Variants in PLPPR1 observed in about 807,000 individuals in gnomAD.
The protein encoded by PLPPR1 is phospholipid phosphatase related 1.
PLPPR1 carries 10 observed loss-of-function variants against 33.1 expected under a neutral mutation model. The ratio of observed to expected loss-of-function variants is 0.30; its 90% CI spans 0.19 to 0.51. The LOEUF (loss-of-function observed/expected upper bound fraction) is 0.51, where lower values mean the gene tolerates loss of function less well. Among genes scored for constraint, PLPPR1 ranks in the 20% least tolerant of loss-of-function variants. The pLI, the probability that PLPPR1 is intolerant of heterozygous loss-of-function variation, is 0.97. For missense variants in PLPPR1, 304 were observed against 408.1 expected (o/e 0.74, Z 2.20); for synonymous variants, 151 against 151.0 (o/e 1.00, Z 0.00).
chr9:101,140,392 G>T (rs913698211), intron 1 of PLPPR1, among the ~76,000 whole-genome samples: 4 of 145,586 alleles, frequency 2.7e-5, no homozygotes, highest in African/African-American at 1.0e-4. Context: ...TATTTGAAAA[G>T]CCAGCAAGGA....
intron 2 of PLPPR1, among the ~76,000 whole-genome samples, chr9:101,233,018 C>A (rs1827222865): frequency 6.6e-6 from 1 of 152,058 alleles, no homozygotes. Context: ...AGGTCAGCAT[C>A]TGAGCACTTC....
At chr9:101,031,788 A>G (rs1253811909) in intron 1 of PLPPR1, among the ~76,000 whole-genome samples, 1 of 152,218 alleles carries the variant, frequency 6.6e-6, no homozygotes, top group Non-Finnish European at 1.5e-5. Context: ...TAGAAAGGAC[A>G]TTCCAGGCAG....
intron 1 of PLPPR1, among the ~76,000 whole-genome samples, chr9:101,142,566 C>T (rs191404009): frequency 3.3e-5 from 5 of 152,312 alleles, no homozygotes; most frequent in East Asian, 1.9e-4. Context: ...CCCGTATCTT[C>T]GCCTGCTTCA....
chr9:101,264,444 A>G (rs1321406073), intron 2 of PLPPR1, among the ~76,000 whole-genome samples: 9 of 151,830 alleles, frequency 5.9e-5, no homozygotes. Context: ...TTCTCCTTCT[A>G]TCAAGTCCCC....
chr9:101,270,632 A>T (rs1828079433), intron 3 of PLPPR1, among the ~76,000 whole-genome samples: 1 of 152,070 alleles, frequency 6.6e-6, no homozygotes, highest in South Asian at 2.1e-4. Context: ...ACCTTCATAT[A>T]TTTCATTTTC....
rs527746137 is a variant in PLPPR1, at chr9:101,080,159, G to A, written c.-46+51057G>A. Reference sequence around the variant, plus strand: ...TCTGATGATTCGATTTTTGAAATGTGAACATATTTAGAATCTCTGCATACT... The same window carrying A: ...TCTGATGATTCGATTTTTGAAATGTAAACATATTTAGAATCTCTGCATACT... On this transcript the variant is annotated intron_variant, in intron 1 of 7. Transcript: ENST00000374874. Among the ~76,000 whole-genome samples the A allele has an allele frequency of 2.0e-5, 3 of 152,142 alleles. No individual in the cohort carries two copies. In the South Asian group the frequency reaches 6.2e-4, roughly 32 times the overall value.
chr9:101,289,954 C>A (rs986251863), intron 4 of PLPPR1, among the ~76,000 whole-genome samples: 9 of 152,132 alleles, frequency 5.9e-5, no homozygotes, highest in Non-Finnish European at 1.0e-4. Flanking sequence ...CAGCTTAGTC[C>A]TAGGAAATTA....
In PLPPR1 at chr9:101,129,533, T is replaced by TA. The variant is rs200536822; in HGVS notation, c.-45-55908dup. ...ATATCCACACACTCAGCAATAGCAA[T>TA]AAAAAAAAAGGGAAAAAGCTGGGTG... On this transcript the variant is annotated intron_variant, in intron 1 of 7. Coordinates refer to ENST00000374874, the MANE Select transcript of PLPPR1 (RefSeq NM_207299.2). 6.5e-3 allele frequency among the ~76,000 whole-genome samples: 983 copies of TA among 150,286 alleles called. 2 individuals are homozygous for TA. Among genetic ancestry groups the TA allele is most frequent in the Non-Finnish European group, 7.3e-3 (492 of 67,458 alleles).
intron 4 of PLPPR1, among the ~76,000 whole-genome samples, chr9:101,300,441 T>C (rs1828732060): frequency 6.6e-6 from 1 of 152,144 alleles, no homozygotes; most frequent in Non-Finnish European, 1.5e-5. Flanking sequence ...AGAGTGTTGA[T>C]ATTATAGGTG....
intron 1 of PLPPR1, among the ~76,000 whole-genome samples, chr9:101,180,133 TATATATATATACACAC>T (rs1564167576): frequency 3.5e-4 from 14 of 39,678 alleles, no homozygotes; most frequent in African/African-American, 1.9e-3. Context: ...TATATATATA[TATATATATATACACAC>T]ACACACACAC....
intron 2 of PLPPR1, among the ~76,000 whole-genome samples, chr9:101,204,812 A>G (rs1826559046): frequency 6.6e-6 from 1 of 152,086 alleles, no homozygotes; most frequent in African/African-American, 2.4e-5. Flanking sequence ...TGAGATGCTC[A>G]CCCCAGTCCA....
intron 2 of PLPPR1, among the ~76,000 whole-genome samples, chr9:101,237,221 G>A (rs1827318991): frequency 6.6e-6 from 1 of 151,734 alleles, no homozygotes; most frequent in Non-Finnish European, 1.5e-5. Flanking sequence ...ACTGTTGGTG[G>A]GAATGTAAAT....
At chr9:101,198,867 A>G (rs1356769713) in intron 2 of PLPPR1, among the ~76,000 whole-genome samples, 2 of 152,240 alleles carry the variant, frequency 1.3e-5, no homozygotes, top group African/African-American at 4.8e-5. Context: ...GAGTAGTGAC[A>G]GAGGAGACTG....
intron 2 of PLPPR1, among the ~76,000 whole-genome samples, chr9:101,224,939 A>C (rs1722685044): frequency 1.3e-5 from 2 of 152,158 alleles, no homozygotes; most frequent in Admixed American, 6.5e-5. Flanking sequence ...CTTTTTATTA[A>C]TCTTTCTTAA....
At chr9:101,232,917 G>A (rs1289131912) in intron 2 of PLPPR1, among the ~76,000 whole-genome samples, 3 of 151,814 alleles carry the variant, frequency 2.0e-5, no homozygotes, top group Non-Finnish European at 4.4e-5. Flanking sequence ...ACTTTCTTTT[G>A]GCTTATCTGA....
At chr9:101,031,901 A>G (rs1457512165) in intron 1 of PLPPR1, among the ~76,000 whole-genome samples, 1 of 152,174 alleles carries the variant, frequency 6.6e-6, no homozygotes, top group Admixed American at 6.5e-5. Context: ...CCAGTTAACA[A>G]GTAATGCTAT....
intron 1 of PLPPR1, among the ~76,000 whole-genome samples, chr9:101,035,031 G>A (rs1829992914): frequency 6.6e-6 from 1 of 152,088 alleles, no homozygotes; most frequent in African/African-American, 2.4e-5. Flanking sequence ...CTTGCGTTTA[G>A]CCTAGTCTTT....
intron 4 of PLPPR1, among the ~76,000 whole-genome samples, chr9:101,304,234 TG>T (rs1828807534): frequency 6.6e-6 from 1 of 152,376 alleles, no homozygotes; most frequent in African/African-American, 2.4e-5. Context: ...AATGGCTTTT[TG>T]TCAACTATGT....
chr9:101,252,546 T>C (rs1011571972), intron 2 of PLPPR1, among the ~76,000 whole-genome samples: 1 of 152,106 alleles, frequency 6.6e-6, no homozygotes, highest in Non-Finnish European at 1.5e-5. Context: ...AAAATCCTTA[T>C]CCATTAATTT....
Sources: allele counts gnomAD v4.1 joint callset (sites outside exome capture counted in the v4.1 genomes callset), GRCh38; gene constraint gnomAD v4.1.1; transcripts MANE v1.5; gene names NCBI Gene and HGNC (gene_info 2026-07-23, HGNC 2026-07-21).